The following PTPRK variants were observed in gnomAD, a reference collection of about 807,000 sequenced individuals.
PTPRK encodes receptor-type tyrosine-protein phosphatase kappa.
A neutral mutation model predicts 178.0 loss-of-function variants in PTPRK; 75 were observed. The observed-to-expected ratio is 0.42, with a 90% CI of 0.35 to 0.51. PTPRK has a LOEUF of 0.51. PTPRK is among the 20% of genes least tolerant of loss of function. PTPRK has a pLI of 0.02. For missense variants in PTPRK, 1,441 were observed against 1,797.8 expected (o/e 0.80, Z 3.59); for synonymous variants, 637 against 620.6 (o/e 1.03, Z -0.39).
chr6:127,973,673 A>G lies in PTPRK; in HGVS notation c.4124T>C (p.Ile1375Thr). 3.1e-6 allele frequency: 5 copies of G among 1,613,630 alleles called. No individual in the cohort carries two copies. Among genetic ancestry groups the G allele is most frequent in the Non-Finnish European group, 4.2e-6 (5 of 1,179,912 alleles). ...ECEEGEGRTI[I>T]HCLNGGGRSG... is the part of the protein sequence containing the mutation. ...GAGCTGCCCTACTCACAGGCAGTGGATAATCGTCCGGCCTTCCCCTTCCTC... is the reference window on the plus strand; with the variant it reads ...GAGCTGCCCTACTCACAGGCAGTGGGTAATCGTCCGGCCTTCCCCTTCCTC... The change falls in exon 28 of 30, where the codon ATC becomes ACC. Residue 1375 changes from isoleucine to threonine, a missense_variant. Transcript: ENST00000368226.
At chr6:128,289,754 G>C (rs1330092644) in intron 3 of PTPRK, among the ~76,000 whole-genome samples, 1 of 151,992 alleles carries the variant, frequency 6.6e-6, no homozygotes, top group Non-Finnish European at 1.5e-5. Context: ...ACTTATTCTA[G>C]ATTCCTATAT....
chr6:128,389,413 G>GTTT (rs11443907), intron 2 of PTPRK, among the ~76,000 whole-genome samples: 6 of 144,390 alleles, frequency 4.2e-5, no homozygotes, highest in South Asian at 2.2e-4. Context: ...GTTTTTTTTT[G>GTTT]TTTTTTTTGT....
intron 7 of PTPRK, among the ~76,000 whole-genome samples, chr6:128,169,534 A>C (rs1453119521): frequency 2.0e-5 from 3 of 152,038 alleles, no homozygotes; most frequent in Non-Finnish European, 4.4e-5. Flanking sequence ...TTAATAGATG[A>C]GAAAATTACC....
chr6:128,147,849 C>T (rs1248922688), intron 7 of PTPRK, among the ~76,000 whole-genome samples: 2 of 152,174 alleles, frequency 1.3e-5, no homozygotes, highest in African/African-American at 4.8e-5. Context: ...GTCTCCTTTC[C>T]TTCTCTCCAA....
At chr6:128,494,767 G>A (rs1362288528) in intron 1 of PTPRK, among the ~76,000 whole-genome samples, 1 of 152,104 alleles carries the variant, frequency 6.6e-6, no homozygotes, top group African/African-American at 2.4e-5. Context: ...TTCCAAAAGA[G>A]CCTGAAACTT....
At chr6:128,251,863 T>C (rs1157623262) in intron 3 of PTPRK, among the ~76,000 whole-genome samples, 2 of 152,316 alleles carry the variant, frequency 1.3e-5, no homozygotes, top group African/African-American at 4.8e-5. Flanking sequence ...TCCTGAGGTT[T>C]AGCATTACCA....
intron 6 of PTPRK, among the ~76,000 whole-genome samples, chr6:128,209,210 T>G (rs1554346739): frequency 6.6e-6 from 1 of 152,124 alleles, no homozygotes; most frequent in Non-Finnish European, 1.5e-5. Context: ...ACAGATAATA[T>G]GTAAGTAACC....
chr6:128,158,016 C>T (rs1798175576), intron 7 of PTPRK, among the ~76,000 whole-genome samples: 1 of 152,030 alleles, frequency 6.6e-6, no homozygotes, highest in Non-Finnish European at 1.5e-5. Context: ...TTGCCCATGC[C>T]TATGTCCTGA....
At chr6:128,244,280 T>C (rs868628029) in intron 3 of PTPRK, among the ~76,000 whole-genome samples, 36 of 152,066 alleles carry the variant, frequency 2.4e-4, no homozygotes, top group African/African-American at 8.5e-4. Context: ...AAAATAAAGG[T>C]ATAAATTTCG....
chr6:128,147,489 T>G lies in PTPRK; in HGVS notation c.1162+36943A>C, dbSNP rs569585988. Among the ~76,000 whole-genome samples the G allele has an allele frequency of 7.2e-5, 11 of 152,120 alleles. No homozygotes were observed. The South Asian group carries it at 2.3e-3, about 32-fold the overall frequency. ...CATGGATGTAGCTATTTCCAAATAT[T>G]TATACATTTTTTACCCTTAAAATTG... On this transcript the variant is annotated intron_variant, in intron 7 of 29. Transcript: ENST00000368226.
intron 3 of PTPRK, among the ~76,000 whole-genome samples, chr6:128,281,391 G>A (rs556970328): frequency 5.9e-5 from 9 of 152,226 alleles, no homozygotes; most frequent in East Asian, 1.9e-4. Context: ...TATCCTTCCC[G>A]CACTCCTTTT....
chr6:128,101,309 TA>T (rs1390354862), intron 7 of PTPRK, among the ~76,000 whole-genome samples: 1 of 152,066 alleles, frequency 6.6e-6, no homozygotes, highest in Non-Finnish European at 1.5e-5. Context: ...TGGATGCTAA[TA>T]TAATGTTTAA....
chr6:127,977,162 T>C, intron 25 of PTPRK, 108 bp from the exon 26 acceptor site: 1 of 1,108,876 alleles, frequency 9.0e-7, no homozygotes, highest in Non-Finnish European at 1.3e-6. Context: ...ATGCAATAGC[T>C]TCATATGCAG....
At chr6:128,274,651 TA>T (rs1820427668) in intron 3 of PTPRK, among the ~76,000 whole-genome samples, 1 of 152,054 alleles carries the variant, frequency 6.6e-6, no homozygotes, top group Non-Finnish European at 1.5e-5. Flanking sequence ...TAAATAAACT[TA>T]AAAGTATTTT....
intron 1 of PTPRK, among the ~76,000 whole-genome samples, chr6:128,413,747 A>G (rs778092975): frequency 2.6e-5 from 4 of 152,224 alleles, no homozygotes; most frequent in Non-Finnish European, 4.4e-5. Flanking sequence ...AGGTCAGTTT[A>G]GTAAGAAGTC....
intron 2 of PTPRK, among the ~76,000 whole-genome samples, chr6:128,376,520 G>C (rs994518646): frequency 6.6e-6 from 1 of 152,152 alleles, no homozygotes; most frequent in Non-Finnish European, 1.5e-5. Context: ...CCTGTGATGG[G>C]AGGGGCTGTT....
chr6:128,205,777 CAA>C (rs57003128), intron 6 of PTPRK, among the ~76,000 whole-genome samples: 4 of 15,230 alleles, frequency 2.6e-4, no homozygotes, highest in Admixed American at 6.6e-4. Flanking sequence ...CATCACAGAC[CAA>C]AAAAAAAAAA....
At chr6:127,999,889 C>T (rs1777599713) in intron 15 of PTPRK, 9 of 809,286 alleles carry the variant, frequency 1.1e-5, no homozygotes, top group South Asian at 1.1e-4. Flanking sequence ...CACAATTAAG[C>T]GTAAGTCCCT....
chr6:128,328,843 T>C (rs962858861), intron 2 of PTPRK, among the ~76,000 whole-genome samples: 3 of 152,170 alleles, frequency 2.0e-5, no homozygotes, highest in East Asian at 3.9e-4. Flanking sequence ...ACAAAAAAGA[T>C]AGTAAGAAGT....
Sources: allele counts gnomAD v4.1 joint callset (sites outside exome capture counted in the v4.1 genomes callset), GRCh38; gene constraint gnomAD v4.1.1; transcripts MANE v1.5; gene names NCBI Gene and HGNC (gene_info 2026-07-23, HGNC 2026-07-21).